IPO7: variants seen among roughly 807,000 people sequenced by gnomAD.
IPO7 encodes importin-7.
IPO7 carries 13 observed loss-of-function variants against 136.4 expected under a neutral mutation model. That is an observed-to-expected ratio of 0.10 (90% CI 0.06 to 0.15). The LOEUF is 0.15. Ranked by LOEUF, IPO7 falls within the 10% of genes least tolerant of loss-of-function variation. The pLI is 1.00. For missense variants in IPO7, 857 were observed against 1,240.6 expected (o/e 0.69, Z 4.65); for synonymous variants, 403 against 404.4 (o/e 1.00, Z 0.04).
intron 1 of IPO7, among the ~76,000 whole-genome samples, chr11:9,387,794 G>T (rs556569869): frequency 4.6e-5 from 7 of 151,912 alleles, no homozygotes; most frequent in African/African-American, 1.7e-4. Context: ...TCGTGCCACT[G>T]CACTCCAGCC....
chr11:9,439,176 C>T (rs910152822), intron 22 of IPO7, among the ~76,000 whole-genome samples: 2 of 152,094 alleles, frequency 1.3e-5, no homozygotes, highest in Non-Finnish European at 2.9e-5. Flanking sequence ...AGTGCAACAG[C>T]GCGATCTTGG....
chr11:9,385,260 G>A (rs1854536042), intron 1 of IPO7, among the ~76,000 whole-genome samples: 1 of 152,190 alleles, frequency 6.6e-6, no homozygotes, highest in Admixed American at 6.5e-5. Context: ...CGCAGGGTTT[G>A]GAAGGGCTCC....
At chr11:9,430,810 T>G (rs1855283421) in intron 15 of IPO7, 65 bp from the exon 16 acceptor site, 6 of 1,432,470 alleles carry the variant, frequency 4.2e-6, no homozygotes, top group Non-Finnish European at 4.9e-6. Flanking sequence ...GAATTAAAAG[T>G]CTTAGACCAA....
intron 23 of IPO7, among the ~76,000 whole-genome samples, chr11:9,441,301 A>G (rs900650113): frequency 3.3e-5 from 5 of 152,204 alleles, no homozygotes; most frequent in Admixed American, 2.6e-4. Context: ...ATGTGGCTCC[A>G]GAATACTAGG....
chr11:9,410,791 G>A (rs1442182220), intron 4 of IPO7, among the ~76,000 whole-genome samples: 1 of 152,118 alleles, frequency 6.6e-6, no homozygotes. Context: ...CACTTGAAAA[G>A]GTTTGATGGG....
intron 16 of IPO7, among the ~76,000 whole-genome samples, chr11:9,432,630 T>C (rs1162215863): frequency 1.3e-5 from 2 of 152,178 alleles, no homozygotes; most frequent in African/African-American, 4.8e-5. Context: ...TATTAAGTTC[T>C]GTATATTTGA....
intron 4 of IPO7, 132 bp from the exon 5 acceptor site, chr11:9,414,123 C>T: frequency 3.3e-6 from 2 of 603,912 alleles, no homozygotes; most frequent in Non-Finnish European, 5.4e-6. Context: ...TGGTTTTGTT[C>T]TAGATATTTT....
Position 9,403,220 on chromosome 11 carries a change from G to A in IPO7, c.85-70G>A. 3 of 1,016,230 alleles carry A rather than the reference G, an allele frequency of 3.0e-6. No homozygotes were observed. In the South Asian group the frequency reaches 4.0e-5, roughly 14 times the overall value. The allele number at this position is 1,016,230 out of a possible 1,614,324, so 63.0% of individuals were successfully genotyped here. ...AGCCAAGCAATGGAAATGTATTGGAGCCTCTTTGATCTGTAATTTTAAAGT... is the reference window on the plus strand; with the variant it reads ...AGCCAAGCAATGGAAATGTATTGGAACCTCTTTGATCTGTAATTTTAAAGT... On this transcript the variant is annotated intron_variant, in intron 1 of 24. Transcript: ENST00000379719.
At chr11:9,400,808 TATTCAAAGGAAA>T (rs1854783525) in intron 1 of IPO7, among the ~76,000 whole-genome samples, 1 of 152,194 alleles carries the variant, frequency 6.6e-6, no homozygotes, top group African/African-American at 2.4e-5. Context: ...TGGAAAATTA[TATTCAAAGGAAA>T]ATTCTGCACC....
chr11:9,425,251 A>G lies in IPO7; in HGVS notation c.1324A>G (p.Ile442Val). ...ALHMIGSLAE[I>V]LLKKKIYKDQ... The stretch of plus-strand genomic sequence containing the variant: ...GCATATGATTGGCTCTTTAGCTGAA[A>G]TACTTCTGAAGGTATTCTTTAGTGT... Residue 442 changes from isoleucine (I) to valine (V), a missense_variant, in exon 12 of 25, where the codon ATA (isoleucine) becomes GTA (valine). Physicochemically the swap from Ile to Val is conservative, Grantham distance 29 (BLOSUM62 3). Around this residue, in one of 11 missense-constraint regions of IPO7, gnomAD observed 127 missense variants for 222.4 expected, o/e 0.57. Coordinates refer to ENST00000379719, the MANE Select transcript of IPO7 (RefSeq NM_006391.3). The G allele has an allele frequency of 1.9e-6, 3 of 1,572,824 alleles. No homozygotes were observed. Among genetic ancestry groups the G allele is most frequent in the Non-Finnish European group, 1.7e-6 (2 of 1,142,922 alleles).
Position 9,384,719 on chromosome 11 carries a change from G to C in IPO7, c.-45G>C. 1 of 1,490,794 alleles carries C rather than the reference G, an allele frequency of 6.7e-7. No homozygotes were observed. The allele number at this position is 1,490,794 out of a possible 1,614,324, so 92.3% of individuals were successfully genotyped here. On this transcript the variant is annotated 5_prime_UTR_variant, in exon 1 of 25. Coordinates refer to ENST00000379719, the MANE Select transcript of IPO7 (RefSeq NM_006391.3). ...TGCGCAGTGAGTGGCGCTATTCCTG[G>C]CCCAGTAGCACCCGAGCCCCGGGTT...
intron 1 of IPO7, among the ~76,000 whole-genome samples, chr11:9,399,166 C>CTT (rs1209158342): frequency 7.5e-6 from 1 of 134,060 alleles, no homozygotes; most frequent in Non-Finnish European, 1.6e-5. Flanking sequence ...AAAATGGATG[C>CTT]TTTTTTTTTT....
At chr11:9,415,481 A>G (rs949276053) in intron 5 of IPO7, among the ~76,000 whole-genome samples, 2 of 152,218 alleles carry the variant, frequency 1.3e-5, no homozygotes, top group African/African-American at 4.8e-5. Context: ...TTACTGGTAC[A>G]CAGTAATGGC....
intron 4 of IPO7, among the ~76,000 whole-genome samples, chr11:9,412,186 C>G (rs963337653): frequency 1.3e-5 from 2 of 152,116 alleles, no homozygotes; most frequent in Non-Finnish European, 2.9e-5. Flanking sequence ...GTGTTAATAG[C>G]TTTAGCAGTC....
At chr11:9,396,834 C>T (rs1854715913) in intron 1 of IPO7, among the ~76,000 whole-genome samples, 1 of 152,124 alleles carries the variant, frequency 6.6e-6, no homozygotes. Context: ...GATGGGCATA[C>T]AGGTTGTTTC....
At position 9,425,204 on chromosome 11, in the gene IPO7, C is replaced by G; in HGVS notation, c.1277C>G (p.Pro426Arg). 1.2e-6 allele frequency: 2 copies of G among 1,612,304 alleles called. No homozygotes were observed. Among genetic ancestry groups the G allele is most frequent in the Non-Finnish European group, 1.7e-6 (2 of 1,179,400 alleles). The change falls in exon 12 of 25, where the codon CCT becomes CGT. Residue 426 changes from proline to arginine, a missense_variant. By Grantham distance (103) the Pro-to-Arg change is moderately radical. Transcript: ENST00000379719. ...ATTCTTACAGAACCAAATGCTGACC[C>G]TCGAAAAAAAGATGGAGCCCTGCAT... The part of the protein sequence containing the change: ...YQILTEPNAD[P>R]RKKDGALHMI...
chr11:9,406,988 C>A (rs1854897859), intron 2 of IPO7, among the ~76,000 whole-genome samples: 1 of 152,338 alleles, frequency 6.6e-6, no homozygotes, highest in South Asian at 2.1e-4. Context: ...TGTCTTTGCT[C>A]AAGCATTCTG....
chr11:9,399,369 C>T (rs1012439256), intron 1 of IPO7, among the ~76,000 whole-genome samples: 2 of 152,116 alleles, frequency 1.3e-5, no homozygotes, highest in Non-Finnish European at 2.9e-5. Context: ...CCATGTTGGT[C>T]AGGCTGGTCT....
intron 1 of IPO7, chr11:9,392,434 C>T (rs1854649815): frequency 4.7e-6 from 1 of 210,546 alleles, no homozygotes; most frequent in Non-Finnish European, 9.9e-6. Flanking sequence ...TCCCTAAGTG[C>T]TGGGATTACA....
Sources: gnomAD v4.1 joint callset for allele counts (sites outside exome capture counted in the v4.1 genomes callset) on GRCh38, gnomAD v4.1.1 for gene constraint, gnomAD v4.1.1 regional missense constraint, MANE v1.5 for transcripts, NCBI Gene and HGNC (gene_info 2026-07-23, HGNC 2026-07-21) for gene names.